ZNF254: variants seen among roughly 807,000 people sequenced by gnomAD.
ZNF254 encodes the protein CTD-2017D11.1.
A neutral mutation model predicts 12.4 loss-of-function variants in ZNF254; 10 were observed. The ratio of observed to expected loss-of-function variants is 0.80; its 90% CI spans 0.50 to 1.36. The LOEUF (loss-of-function observed/expected upper bound fraction) is 1.36, where lower values mean the gene tolerates loss of function less well. ZNF254 is among the 40% of genes most tolerant of loss of function. The pLI is 0.00. For synonymous variants in ZNF254, 305 were observed against 253.4 expected (o/e 1.20, Z -1.93); for missense variants, 996 against 763.9 (o/e 1.30, Z -3.58).
At chr19:24,119,612 C>G (rs907804675) in intron 3 of ZNF254, among the ~76,000 whole-genome samples, 8 of 152,082 alleles carry the variant, frequency 5.3e-5, no homozygotes, top group Non-Finnish European at 1.2e-4. Context: ...ATTGCAGCCT[C>G]TCAGGTAGCT....
At chr19:24,096,725 T>C (rs1972692965) in intron 1 of ZNF254, among the ~76,000 whole-genome samples, 1 of 152,222 alleles carries the variant, frequency 6.6e-6, no homozygotes, top group South Asian at 2.1e-4. Flanking sequence ...AATTGGCTTC[T>C]TCAGTTATCT....
intron 3 of ZNF254, among the ~76,000 whole-genome samples, chr19:24,109,774 G>A (rs1357595839): frequency 6.9e-6 from 1 of 145,678 alleles, no homozygotes; most frequent in African/African-American, 2.6e-5. Flanking sequence ...CTGGAGTACA[G>A]TGCATGTGAT....
chr19:24,111,277 T>G (rs1174276963), intron 3 of ZNF254, among the ~76,000 whole-genome samples: 2 of 152,204 alleles, frequency 1.3e-5, no homozygotes, highest in African/African-American at 4.8e-5. Context: ...ACAAAGGACA[T>G]GAACTCATCA....
chr19:24,117,195 G>C (rs1195231345), intron 3 of ZNF254, among the ~76,000 whole-genome samples: 1 of 152,138 alleles, frequency 6.6e-6, no homozygotes, highest in Non-Finnish European at 1.5e-5. Flanking sequence ...ATCTCCAGCT[G>C]TGTGTTGGGA....
chr19:24,046,397 A>C (rs1027098702), intron 2 of ZNF254: 5 of 146,096 alleles, frequency 3.4e-5, no homozygotes, highest in African/African-American at 1.3e-4. Context: ...ATATATATAT[A>C]TATGTGCAGA....
Position 24,090,051 on chromosome 19 carries a change from A to AT in ZNF254, c.30+2714_30+2715insT, listed in dbSNP as rs1308586091. Among the ~76,000 whole-genome samples the AT allele has an allele frequency of 2.0e-5, 3 of 150,226 alleles. No individual in the cohort carries two copies. In the East Asian group the frequency reaches 5.9e-4, roughly 29 times the overall value. On this transcript the variant is annotated intron_variant, in intron 1 of 3. Transcript: ENST00000357002. ...AAAAATACGAAAAAAAAAAAAAAAAAGCTGGGTGTAGTGGTACAGGCCTGT... is the reference window on the plus strand; with the variant it reads ...AAAAATACGAAAAAAAAAAAAAAAAATGCTGGGTGTAGTGGTACAGGCCTGT...
chr19:24,125,645 T>G (rs949567966), intron 3 of ZNF254, among the ~76,000 whole-genome samples: 22 of 152,332 alleles, frequency 1.4e-4, no homozygotes, highest in African/African-American at 4.8e-4. Context: ...AATTTTATTT[T>G]TATTATTTAA....
In ZNF254 at chr19:24,128,110, T is replaced by G; in HGVS notation, c.*130T>G. The G allele has an allele frequency of 1.1e-6, 1 of 942,004 alleles. No individual in the cohort carries two copies. The highest frequency in any genetic ancestry group is 1.5e-6 in the Non-Finnish European group (1 of 685,602). The allele number at this position is 942,004 out of a possible 1,614,324, so 58.4% of individuals were successfully genotyped here. Reference sequence around the variant, plus strand: ...GTACCTAAAACTTTAAAGAAAATCATTCTGCTGAAAAATCCTAGAAATGTG... The same window carrying G: ...GTACCTAAAACTTTAAAGAAAATCAGTCTGCTGAAAAATCCTAGAAATGTG... On this transcript the variant is annotated 3_prime_UTR_variant, in exon 4 of 4. Coordinates refer to ENST00000357002, the MANE Select transcript of ZNF254 (RefSeq NM_203282.4).
chr19:24,126,537 G>A lies in ZNF254; in HGVS notation c.537G>A (p.Lys179=). ...SNRPKIRHTE[K]KSFKCKKRVK... ...GACCTAAGATAAGACATACTGAAAAGAAATCTTTCAAATGTAAAAAACGTG... is the reference window on the plus strand; with the variant it reads ...GACCTAAGATAAGACATACTGAAAAAAAATCTTTCAAATGTAAAAAACGTG... The change falls in exon 4 of 4, where the codon AAG becomes AAA. Residue 179 remains lysine (K), a synonymous_variant. Transcript: ENST00000357002. The A allele has an allele frequency of 6.2e-7, 1 of 1,601,106 alleles. No homozygotes were observed. Among genetic ancestry groups the A allele is most frequent in the Admixed American group, 1.8e-5 (1 of 56,614 alleles).
intron 2 of ZNF254, among the ~76,000 whole-genome samples, chr19:24,048,104 G>A (rs1599587741): frequency 6.8e-6 from 1 of 147,336 alleles, no homozygotes; most frequent in East Asian, 2.1e-4. Flanking sequence ...CTTTGGGCGC[G>A]AGCTCCACAC....
chr19:24,055,783 TA>T (rs1970830216), intron 2 of ZNF254, among the ~76,000 whole-genome samples: 1 of 152,184 alleles, frequency 6.6e-6, no homozygotes. Context: ...GTGACTTCAC[TA>T]ATTAGACAAA....
intron 1 of ZNF254, among the ~76,000 whole-genome samples, chr19:24,103,282 A>T (rs1320799695): frequency 6.6e-6 from 1 of 152,222 alleles, no homozygotes; most frequent in Admixed American, 6.5e-5. Flanking sequence ...AACTAATGCT[A>T]ACAATGAGCC....
At chr19:24,061,217 T>C (rs933590324) in intron 2 of ZNF254, among the ~76,000 whole-genome samples, 1 of 152,262 alleles carries the variant, frequency 6.6e-6, no homozygotes, top group African/African-American at 2.4e-5. Context: ...TATTGAGACA[T>C]TTATTTTTGT....
At chr19:24,064,419 G>A (rs1426281217) in intron 2 of ZNF254, 1 of 152,122 alleles carries the variant, frequency 6.6e-6, no homozygotes, top group Non-Finnish European at 1.5e-5. Flanking sequence ...GCTACTGCTT[G>A]GGGTGTGATT....
chr19:24,106,660 A>G lies in ZNF254; in HGVS notation c.253+17A>G, dbSNP rs756468472. On this transcript the variant is annotated intron_variant, in intron 3 of 3. Transcript: ENST00000357002. Reference sequence around the variant, plus strand: ...AACCCCCAGGTAGGTGAGAGTGAATACAACAGATGACATGGATGAGAGGTC... The same window carrying G: ...AACCCCCAGGTAGGTGAGAGTGAATGCAACAGATGACATGGATGAGAGGTC... The G allele has an allele frequency of 6.4e-6, 10 of 1,560,040 alleles. No individual in the cohort carries two copies. In the Admixed American group the frequency reaches 1.4e-4, roughly 21 times the overall value.
intron 1 of ZNF254, among the ~76,000 whole-genome samples, chr19:24,044,586 T>C (rs1276247763): frequency 6.6e-6 from 1 of 152,108 alleles, no homozygotes; most frequent in South Asian, 2.1e-4. Context: ...CAAAAATGTA[T>C]ATTCTTATAT....
intron 2 of ZNF254, among the ~76,000 whole-genome samples, chr19:24,052,657 A>G (rs1348074793): frequency 3.3e-5 from 5 of 152,288 alleles, no homozygotes; most frequent in African/African-American, 1.2e-4. Flanking sequence ...AGGAGATTGT[A>G]ACGTATCCCT....
chr19:24,112,320 C>G lies in ZNF254; in HGVS notation c.253+5677C>G, dbSNP rs1467073081. 6.1e-4 allele frequency among the ~76,000 whole-genome samples: 84 copies of G among 136,912 alleles called. 1 individual carries two copies. In the East Asian group the frequency reaches 0.013, roughly 22 times the overall value. 89.8% of individuals were successfully genotyped at this position (136,912 alleles called of 152,430 possible). A position where few individuals can be genotyped will look rare whatever the true frequency, so the allele number is the denominator to read the frequency against. ...TTCCATTGATCTATATCTCTGTTTT[C>G]GTACCAGTACCATGCTGTTTTGGTT... is the stretch of plus-strand genomic sequence containing the variant. On this transcript the variant is annotated intron_variant, in intron 3 of 3. Coordinates refer to ENST00000357002, the MANE Select transcript of ZNF254 (RefSeq NM_203282.4).
intron 2 of ZNF254, among the ~76,000 whole-genome samples, chr19:24,049,210 A>ATT (rs1256957447): frequency 4.5e-4 from 21 of 46,206 alleles, no homozygotes; most frequent in Non-Finnish European, 7.3e-4. Flanking sequence ...ATATATATAT[A>ATT]TATATTTTTT....
Sources: gnomAD v4.1 joint callset for allele counts (sites outside exome capture counted in the v4.1 genomes callset) on GRCh38, gnomAD v4.1.1 for gene constraint, MANE v1.5 for transcripts, NCBI Gene and HGNC (gene_info 2026-07-23, HGNC 2026-07-21) for gene names.